Variants in ZNF709 observed in about 807,000 individuals in gnomAD.
The protein encoded by ZNF709 is zinc finger protein 709.
Under a neutral mutation model 10.6 loss-of-function variants are expected in ZNF709, and 15 were observed. The ratio of observed to expected loss-of-function variants is 1.41; its 90% CI spans 0.95 to 2.18. ZNF709 has a LOEUF of 2.18. Ranked by LOEUF, ZNF709 falls within the 30% of genes most tolerant of loss-of-function variation. The pLI is 0.00. For missense variants in ZNF709, 589 were observed against 774.0 expected (o/e 0.76, Z 2.84); for synonymous variants, 194 against 238.8 (o/e 0.81, Z 1.73).
rs912672352 is a variant in ZNF709 at position 12,463,105 on chromosome 19, T to C, written c.*891A>G. On this transcript the variant is annotated 3_prime_UTR_variant, in exon 4 of 4. Transcript: ENST00000397732. ...GGCTTTCCCATATTATCTACATTTATACAGTACCTCCCTAGTGGGAGTTTC... is the reference window on the plus strand; with the variant it reads ...GGCTTTCCCATATTATCTACATTTACACAGTACCTCCCTAGTGGGAGTTTC... 7 of 152,268 alleles carry C rather than the reference T, an allele frequency of 4.6e-5. No homozygotes were observed. The highest frequency in any genetic ancestry group is 3.9e-4 in the Admixed American group (6 of 15,294). 9.4% of individuals were successfully genotyped at this position (152,268 alleles called of 1,614,324 possible).
chr19:12,471,058 TCCGCC>T (rs1435516606), intron 1 of ZNF709, among the ~76,000 whole-genome samples: 1 of 152,112 alleles, frequency 6.6e-6, no homozygotes, highest in Non-Finnish European at 1.5e-5. Context: ...GCCTACTTGA[TCCGCC>T]CCCCAAAAGC....
rs1970528340 is a variant in ZNF709 at position 12,462,739 on chromosome 19, AT to A, written c.*1256del. Reference sequence around the variant, plus strand: ...AAATCCTAAAAATTACCAAATTGTCATTTTTTGATGGCCCATTACAGCACAA... The same window carrying A: ...AAATCCTAAAAATTACCAAATTGTCATTTTTGATGGCCCATTACAGCACAA... On this transcript the variant is annotated 3_prime_UTR_variant, in exon 4 of 4. Transcript: ENST00000397732. 1 of 152,192 alleles carries A rather than the reference AT, an allele frequency of 6.6e-6. No homozygotes were observed. The highest frequency in any genetic ancestry group is 2.4e-5 in the African/African-American group (1 of 41,458). 9.4% of individuals were successfully genotyped at this position (152,192 alleles called of 1,614,324 possible).
intron 1 of ZNF709, among the ~76,000 whole-genome samples, chr19:12,468,529 C>T (rs917139120): frequency 1.3e-5 from 2 of 151,624 alleles, no homozygotes; most frequent in African/African-American, 4.8e-5. Flanking sequence ...ACTCCCTAAT[C>T]TCAAGTACCC....
chr19:12,466,372 C>A, intron 3 of ZNF709, 90 bp downstream of exon 3: 2 of 1,269,366 alleles, frequency 1.6e-6, no homozygotes, highest in Non-Finnish European at 2.2e-6. Flanking sequence ...TGAAATGGGG[C>A]TTATTTGTTT....
At chr19:12,481,936 A>G in intron 1 of ZNF709, among the ~76,000 whole-genome samples, 1 of 150,118 alleles carries the variant, frequency 6.7e-6, no homozygotes, top group Non-Finnish European at 1.5e-5. Flanking sequence ...GGAAGGAAGG[A>G]AGGGGAAAGA....
intron 1 of ZNF709, chr19:12,481,114 G>A: frequency 1.1e-6 from 1 of 944,686 alleles, no homozygotes; most frequent in Non-Finnish European, 1.3e-6. Flanking sequence ...TCTATGACAT[G>A]CACATACAAA....
chr19:12,471,196 GTTGCATCTGC>G (rs151151159), intron 1 of ZNF709, among the ~76,000 whole-genome samples: 3,816 of 152,218 alleles, frequency 0.025, 74 homozygotes, highest in Middle Eastern at 0.048. Context: ...TAAAGGCTTG[GTTGCATCTGC>G]TTTCCTCCAC....
At chr19:12,467,431 G>A (rs953528272) in intron 1 of ZNF709, among the ~76,000 whole-genome samples, 1 of 152,206 alleles carries the variant, frequency 6.6e-6, no homozygotes, top group Admixed American at 6.5e-5. Flanking sequence ...ACGGAGTCTC[G>A]TTCACTCAGT....
chr19:12,464,817 A>T lies in ZNF709; in HGVS notation c.1105T>A (p.Cys369Ser). Reference protein sequence around the residue: ...TGNGPYKCKECGKAFDCPSSF... With the variant: ...TGNGPYKCKESGKAFDCPSSF... ...CTAGGACAATCAAAGGCTTTCCCAC[A>T]TTCCTTGCATTTATAAGGTCCATTT... Residue 369 changes from cysteine (C) to serine (S), a missense_variant, in exon 4 of 4, where the codon TGT becomes AGT. Physicochemically the swap from Cys to Ser is moderately radical, Grantham distance 112 (BLOSUM62 -1). Around this residue, in one of 2 missense-constraint regions of ZNF709, gnomAD observed 418 missense variants for 496.3 expected, o/e 0.84. Transcript: ENST00000397732. 6.2e-7 allele frequency: 1 copy of T among 1,613,366 alleles called. No individual in the cohort carries two copies.
At position 12,464,247 on chromosome 19, in the gene ZNF709, G is replaced by C. The variant is rs1970543883; in HGVS notation, c.1675C>G (p.Pro559Ala). 2 of 1,597,714 alleles carry C rather than the reference G, an allele frequency of 1.3e-6. No individual in the cohort carries two copies. The highest frequency in any genetic ancestry group is 1.7e-5 in the Admixed American group (1 of 57,830). Residue 559 changes from proline (P) to alanine (A), a missense_variant, in exon 4 of 4, where the codon CCT (proline) becomes GCT (alanine). Around this residue, in one of 2 missense-constraint regions of ZNF709, gnomAD observed 171 missense variants for 277.7 expected, o/e 0.62. Transcript: ENST00000397732. ...IHERTHTGEK[P>A]YECKQCGKAF... ...TTACCACATTGTTTACACTCATAAG[G>C]TTTCTCTCCAGTGTGAGTCCTTTCA...
rs559408146 is a variant in ZNF709 at position 12,474,205 on chromosome 19, C to A, written c.4-7355G>T. Among the ~76,000 whole-genome samples, 28 of 152,272 alleles carry A rather than the reference C, an allele frequency of 1.8e-4. 1 individual carries two copies. In the South Asian group the frequency reaches 5.8e-3, roughly 32 times the overall value. On this transcript the variant is annotated intron_variant, in intron 1 of 3. Coordinates refer to ENST00000397732, the MANE Select transcript of ZNF709 (RefSeq NM_152601.4). ...TCTTCAGCTTCATCTCCCCATTTCC[C>A]CCTTCCCCTGCAAATTACCATTCTA...
At position 12,461,486 on chromosome 19, in the gene ZNF709, G is replaced by A. The variant is rs4804194; in HGVS notation, c.*2510C>T. On this transcript the variant is annotated 3_prime_UTR_variant, in exon 4 of 4. Coordinates refer to ENST00000397732, the MANE Select transcript of ZNF709 (RefSeq NM_152601.4). The stretch of plus-strand genomic sequence containing the variant: ...CCCTGCACAGTGCAGTGGAGAAGCA[G>A]ACACCCATGTAGTTCTTTTTGACTG... 113,964 of 151,952 alleles carry A rather than the reference G, an allele frequency of 0.75. 43,080 individuals are homozygous for A. The highest frequency in any genetic ancestry group is 0.79 in the Non-Finnish European group (53,450 of 67,976). 9.4% of individuals were successfully genotyped at this position (151,952 alleles called of 1,614,324 possible). A position where few individuals can be genotyped will look rare whatever the true frequency, so the allele number is the denominator to read the frequency against.
intron 3 of ZNF709, 68 bp downstream of exon 3, chr19:12,466,394 T>C: frequency 1.4e-6 from 2 of 1,443,848 alleles, no homozygotes; most frequent in South Asian, 2.5e-5. Flanking sequence ...AATTATTCAT[T>C]TTTTAAACCT....
At chr19:12,479,310 A>C (rs1970702032) in intron 1 of ZNF709, among the ~76,000 whole-genome samples, 1 of 152,164 alleles carries the variant, frequency 6.6e-6, no homozygotes. Flanking sequence ...CTCAAAAAAA[A>C]TAAAAAATTA....
chr19:12,484,056 C>A (rs1293962684), intron 1 of ZNF709, among the ~76,000 whole-genome samples: 1 of 152,172 alleles, frequency 6.6e-6, no homozygotes, highest in African/African-American at 2.4e-5. Context: ...ACCATCCATT[C>A]CTCTGTACAA....
rs1970556339 is a variant in ZNF709, at chr19:12,465,059, G to C, written c.863C>G (p.Ala288Gly). The C allele has an allele frequency of 5.6e-6, 9 of 1,613,090 alleles. No individual in the cohort carries two copies. The highest frequency in any genetic ancestry group is 7.6e-6 in the Non-Finnish European group (9 of 1,179,702). Residue 288 changes from alanine to glycine, a missense_variant, in exon 4 of 4, where the codon GCT (alanine) becomes GGT (glycine). This residue lies in a region of ZNF709 where 418 missense variants were observed against 496.3 expected (regional missense o/e 0.84). Transcript: ENST00000397732. ...KPYQCKQCGK[A>G]LSCPTSFRSH... ...TCGAAAGGATGTGGGACAACTAAGAGCTTTACCACATTGCTTACACTGATA... is the reference window on the plus strand; with the variant it reads ...TCGAAAGGATGTGGGACAACTAAGACCTTTACCACATTGCTTACACTGATA...
At chr19:12,474,930 C>CATAA (rs1316744809) in intron 1 of ZNF709, among the ~76,000 whole-genome samples, 2 of 151,974 alleles carry the variant, frequency 1.3e-5, no homozygotes, top group African/African-American at 2.4e-5. Context: ...CTATAGCTAC[C>CATAA]ATAACTTGTA....
rs773646499 is a variant in ZNF709 at position 12,465,468 on chromosome 19, G to A, written c.454C>T (p.Arg152Ter). 5.0e-6 allele frequency: 8 copies of A among 1,609,948 alleles called. No individual in the cohort carries two copies. The highest frequency in any genetic ancestry group is 2.2e-5 in the East Asian group (1 of 44,868). The change falls in exon 4 of 4, where the codon CGA becomes TGA. Residue 152 changes from arginine to a stop codon, truncating the protein, a stop_gained. Transcript: ENST00000397732. LOFTEE classifies it low-confidence loss of function (END_TRUNC). Reference sequence around the variant, plus strand: ...CTTTCATGTATTCGAAATGAACTTCGAAAGCTGAATCTTTTCCCACATTCC... The same window carrying A: ...CTTTCATGTATTCGAAATGAACTTCAAAAGCTGAATCTTTTCCCACATTCC... ...CKECGKRFSF[R>*]SSFRIHERTH...
chr19:12,481,198 A>G, intron 1 of ZNF709: 1 of 984,282 alleles, frequency 1.0e-6, no homozygotes. Context: ...TCTCTTGCCT[A>G]AAAGAAACAA....
Sources: allele counts gnomAD v4.1 joint callset (sites outside exome capture counted in the v4.1 genomes callset), GRCh38; gene constraint gnomAD v4.1.1; regional missense constraint gnomAD v4.1.1; transcripts MANE v1.5; gene names NCBI Gene and HGNC (gene_info 2026-07-23, HGNC 2026-07-21).